The following GRIK2 variants were observed in gnomAD, a reference collection of about 807,000 sequenced individuals.
GRIK2 encodes the protein glutamate receptor ionotropic, kainate 2.
In GRIK2, 32 loss-of-function variants were observed where a neutral mutation model predicts 100.3. That is an observed-to-expected ratio of 0.32 (90% CI 0.24 to 0.43). The LOEUF (loss-of-function observed/expected upper bound fraction) is 0.43, where lower values mean the gene tolerates loss of function less well. Among genes scored for constraint, GRIK2 ranks in the 20% least tolerant of loss-of-function variants. The probability of loss-of-function intolerance (pLI) is 1.00; values close to 1 mark genes in which losing one functional copy is unlikely to be tolerated. For missense variants in GRIK2, 843 were observed against 1,114.9 expected, an observed-to-expected ratio of 0.76 and a Z score of 3.47; for synonymous variants, 417 against 389.4, an observed-to-expected ratio of 1.07 and a Z score of -0.83.
At chr6:101,466,398 G>A (rs1248074554) in intron 2 of GRIK2, among the ~76,000 whole-genome samples, 1 of 151,318 alleles carries the variant, frequency 6.6e-6, no homozygotes, top group African/African-American at 2.4e-5. Context: ...CTATTGTCAG[G>A]AACATTTCAA....
chr6:101,509,161 A>G (rs2128277318), intron 2 of GRIK2, among the ~76,000 whole-genome samples: 1 of 150,552 alleles, frequency 6.6e-6, no homozygotes, highest in East Asian at 2.0e-4. Flanking sequence ...CTGTCTCAAA[A>G]AAAAAAAAAA....
chr6:101,975,392 A>G (rs1422752248), intron 14 of GRIK2, among the ~76,000 whole-genome samples: 1 of 151,952 alleles, frequency 6.6e-6, no homozygotes, highest in East Asian at 1.9e-4. Flanking sequence ...AAATAACCCA[A>G]AAAAGGAGAT....
chr6:101,439,383 T>C (rs1769918372), intron 2 of GRIK2, among the ~76,000 whole-genome samples: 1 of 152,114 alleles, frequency 6.6e-6, no homozygotes, highest in South Asian at 2.1e-4. Flanking sequence ...ATGTAGTGTG[T>C]AATGAAGCTT....
At chr6:101,744,779 C>T (rs1389180875) in intron 7 of GRIK2, 3 of 151,360 alleles carry the variant, frequency 2.0e-5, no homozygotes, top group Non-Finnish European at 2.9e-5. Flanking sequence ...TGGGGTTTCT[C>T]TATGTTGGTC....
At chr6:101,640,209 C>T (rs1332083773) in intron 4 of GRIK2, among the ~76,000 whole-genome samples, 1 of 152,130 alleles carries the variant, frequency 6.6e-6, no homozygotes, top group Non-Finnish European at 1.5e-5. Flanking sequence ...TTCAGTAACT[C>T]TAGAGTTATA....
At chr6:101,536,748 G>C (rs975134328) in intron 2 of GRIK2, among the ~76,000 whole-genome samples, 4 of 151,464 alleles carry the variant, frequency 2.6e-5, no homozygotes, top group Admixed American at 6.6e-5. Flanking sequence ...TCAGATTATT[G>C]ATATGGTTAT....
At chr6:101,679,180 T>G (rs1047934214) in intron 5 of GRIK2, among the ~76,000 whole-genome samples, 2 of 151,974 alleles carry the variant, frequency 1.3e-5, no homozygotes, top group Non-Finnish European at 1.5e-5. Context: ...CTGGAAAAAA[T>G]GTAAAAGAAA....
chr6:101,939,170 T>C (rs1790795185), intron 14 of GRIK2, among the ~76,000 whole-genome samples: 1 of 152,044 alleles, frequency 6.6e-6, no homozygotes, highest in Non-Finnish European at 1.5e-5. Context: ...GTTGAGTCAA[T>C]ATAATAGTTT....
chr6:101,450,343 C>A (rs539222292), intron 2 of GRIK2, among the ~76,000 whole-genome samples: 2 of 151,586 alleles, frequency 1.3e-5, no homozygotes, highest in South Asian at 4.2e-4. Context: ...GAGGAGTGAA[C>A]CTTATTACAA....
intron 2 of GRIK2, among the ~76,000 whole-genome samples, chr6:101,482,729 G>A (rs1473176517): frequency 1.3e-5 from 2 of 151,934 alleles, no homozygotes; most frequent in Non-Finnish European, 2.9e-5. Flanking sequence ...CTGAATTGAG[G>A]TAGTGGAAGT....
chr6:101,836,533 C>A (rs1783105458), intron 10 of GRIK2, among the ~76,000 whole-genome samples: 1 of 149,502 alleles, frequency 6.7e-6, no homozygotes, highest in Non-Finnish European at 1.5e-5. Flanking sequence ...AAATTGAATT[C>A]ATCTTTAACT....
chr6:101,945,746 T>C (rs1791233849), intron 14 of GRIK2, among the ~76,000 whole-genome samples: 1 of 152,058 alleles, frequency 6.6e-6, no homozygotes, highest in South Asian at 2.1e-4. Flanking sequence ...GTAAAGTGAG[T>C]TTTCTCTTTA....
chr6:101,419,162 G>T (rs1776293219), intron 2 of GRIK2, among the ~76,000 whole-genome samples: 1 of 152,102 alleles, frequency 6.6e-6, no homozygotes, highest in South Asian at 2.1e-4. Flanking sequence ...GCACGAGCAG[G>T]TTTTATTTAG....
chr6:101,996,473 A>C (rs1367061743), intron 14 of GRIK2, among the ~76,000 whole-genome samples: 1 of 152,082 alleles, frequency 6.6e-6, no homozygotes. Flanking sequence ...AAATGCCAAA[A>C]AGTGCTGTTT....
intron 2 of GRIK2, among the ~76,000 whole-genome samples, chr6:101,424,691 A>G (rs983102615): frequency 6.6e-6 from 1 of 151,480 alleles, no homozygotes; most frequent in Non-Finnish European, 1.5e-5. Flanking sequence ...AGCATTAGTT[A>G]TATCTCCTAA....
chr6:101,674,351 CAA>C (rs1770668175), intron 4 of GRIK2, among the ~76,000 whole-genome samples: 1 of 152,168 alleles, frequency 6.6e-6, no homozygotes, highest in Non-Finnish European at 1.5e-5. Flanking sequence ...CCACACCTTT[CAA>C]AGTGTAGGAA....
At chr6:101,450,924 C>T (rs193248615) in intron 2 of GRIK2, among the ~76,000 whole-genome samples, 2 of 151,770 alleles carry the variant, frequency 1.3e-5, no homozygotes, top group East Asian at 1.9e-4. Context: ...TATCCCTGGG[C>T]TTCAGTTTCC....
chr6:102,064,277 C>G, intron 16 of GRIK2, among the ~76,000 whole-genome samples: 1 of 149,880 alleles, frequency 6.7e-6, no homozygotes, highest in East Asian at 2.0e-4. Flanking sequence ...TCTCCTTCTC[C>G]TTCTCTTCTC....
At chr6:101,854,637 A>AT (rs1378773911) in intron 10 of GRIK2, among the ~76,000 whole-genome samples, 1 of 152,288 alleles carries the variant, frequency 6.6e-6, no homozygotes, top group Non-Finnish European at 1.5e-5. Context: ...TAAGAAGCTG[A>AT]TTTTTGCCAG....
Sources: allele counts gnomAD v4.1 joint callset (sites outside exome capture counted in the v4.1 genomes callset), GRCh38; gene constraint gnomAD v4.1.1; transcripts MANE v1.5; gene names NCBI Gene and HGNC (gene_info 2026-07-23, HGNC 2026-07-21).